SLC7A10: variants seen among roughly 807,000 people sequenced by gnomAD.
SLC7A10 encodes asc-type amino acid transporter 1.
Under a neutral mutation model 52.7 loss-of-function variants are expected in SLC7A10, and 30 were observed. The observed-to-expected ratio is 0.57, with a 90% CI of 0.43 to 0.77. SLC7A10 has a LOEUF of 0.77. Ranked by LOEUF, SLC7A10 falls within the 30% of genes least tolerant of loss-of-function variation. The pLI is 0.00. For missense variants in SLC7A10, 581 were observed against 698.5 expected (o/e 0.83, Z 1.90); for synonymous variants, 318 against 314.9 (o/e 1.01, Z -0.10).
At chr19:33,224,720 C>G (rs1974885861) in intron 1 of SLC7A10, among the ~76,000 whole-genome samples, 1 of 152,202 alleles carries the variant, frequency 6.6e-6, no homozygotes, top group Non-Finnish European at 1.5e-5. Flanking sequence ...AGTCAGTATC[C>G]ATGACTTGGG....
chr19:33,215,033 A>T (rs914594397), intron 2 of SLC7A10, among the ~76,000 whole-genome samples: 3 of 152,164 alleles, frequency 2.0e-5, no homozygotes, highest in Admixed American at 2.0e-4. Flanking sequence ...TGGGAGGCTG[A>T]GGCGGGTGGA....
At chr19:33,222,821 C>T (rs1974841004) in intron 1 of SLC7A10, among the ~76,000 whole-genome samples, 1 of 152,188 alleles carries the variant, frequency 6.6e-6, no homozygotes, top group African/African-American at 2.4e-5. Flanking sequence ...CCTAAACACA[C>T]TATACATGAG....
chr19:33,224,676 G>A (rs540772137), intron 1 of SLC7A10, among the ~76,000 whole-genome samples: 1 of 152,302 alleles, frequency 6.6e-6, no homozygotes, highest in South Asian at 2.1e-4. Flanking sequence ...CTCCCTGGAG[G>A]GGCTCAGAGG....
Position 33,222,987 on chromosome 19 carries a change from A to G in SLC7A10, c.151+2566T>C, listed in dbSNP as rs575558708. ...AAGTTTTGGAAATAACATGTTCAAT[A>G]ACAATAACAAACCAAGGTAGATTAT... is the stretch of plus-strand genomic sequence containing the variant. On this transcript the variant is annotated intron_variant, in intron 1 of 10. Transcript: ENST00000253188. 5.0e-4 allele frequency among the ~76,000 whole-genome samples: 76 copies of G among 152,304 alleles called. 1 individual carries two copies. The highest frequency in any genetic ancestry group is 9.0e-4 in the Non-Finnish European group (61 of 68,032).
Position 33,210,750 on chromosome 19 carries a change from T to C in SLC7A10, c.1113+52A>G. Reference sequence around the variant, plus strand: ...TGCCATTACCCGGAAGGTCCTGCATTGCCGGGTAGCCCTGCCTCCACGCCC... The same window carrying C: ...TGCCATTACCCGGAAGGTCCTGCATCGCCGGGTAGCCCTGCCTCCACGCCC... On this transcript the variant is annotated intron_variant, in intron 8 of 10. Coordinates refer to ENST00000253188, the MANE Select transcript of SLC7A10 (RefSeq NM_019849.3). This position sits in a 1 kb window ranked among gnomAD's most constrained non-coding sequence, Gnocchi z 5.6. 6.2e-7 allele frequency: 1 copy of C among 1,610,544 alleles called. No homozygotes were observed.
At chr19:33,219,804 C>G (rs1363630648) in intron 1 of SLC7A10, 1 of 152,400 alleles carries the variant, frequency 6.6e-6, no homozygotes, top group Non-Finnish European at 1.5e-5. Flanking sequence ...ACCAGCCACC[C>G]TGGCCCCTGC....
intron 1 of SLC7A10, chr19:33,221,230 ATCC>A (rs1323641645): frequency 1.3e-5 from 2 of 152,100 alleles, no homozygotes; most frequent in Non-Finnish European, 2.9e-5. Flanking sequence ...GGCTCTCTCC[ATCC>A]TCCTTCCTGG....
intron 5 of SLC7A10, 95 bp from the exon 6 acceptor site, chr19:33,211,632 T>C: frequency 6.2e-7 from 1 of 1,601,324 alleles, no homozygotes; most frequent in Non-Finnish European, 8.5e-7. Context: ...CTCCATCTCT[T>C]GTGTCTGCTG....
Position 33,212,572 on chromosome 19 carries a change from G to A in SLC7A10, c.576C>T (p.Gly192=), listed in dbSNP as rs143036658. 1.7e-5 allele frequency: 28 copies of A among 1,613,886 alleles called. No homozygotes were observed. The highest frequency in any genetic ancestry group is 6.7e-5 in the East Asian group (3 of 44,886). Residue 192 remains glycine (G), a synonymous_variant, in exon 4 of 11, where the codon GGC becomes GGT. Transcript: ENST00000253188. ...WATRIQDMFT[G]GKLLALSLII... is the part of the protein sequence containing the mutation. ...TGAGGGACAAGGCCAGCAGCTTCCC[G>A]CCTGTGAACATGTCCTGGATGCGCG...
Position 33,210,973 on chromosome 19 carries a change from GT to G in SLC7A10, c.1017-76del, listed in dbSNP as rs1272769162. On this transcript the variant is annotated intron_variant, in intron 7 of 10. Transcript: ENST00000253188. The surrounding 1 kb of genome is among the most constrained non-coding windows in gnomAD (Gnocchi z 5.6). ...TTGGACCTGATGTCCCTCTTAAGCT[GT>G]CGCCTCTGACCTCCTGCTCCGGGCC... 1.4e-6 allele frequency: 2 copies of G among 1,431,068 alleles called. No individual in the cohort carries two copies. The highest frequency in any genetic ancestry group is 2.8e-5 in the African/African-American group (2 of 71,044). 88.6% of individuals were successfully genotyped at this position (1,431,068 alleles called of 1,614,324 possible).
In SLC7A10 at chr19:33,212,984, G is replaced by A. The variant is rs376426174; in HGVS notation, c.375C>T (p.Ser125=). Residue 125 remains serine (S), a synonymous_variant, in exon 3 of 11, where the codon AGC becomes AGT. Transcript: ENST00000253188. ...TGGTGGGGTACATGATGAGGACGGC[G>A]CTCCAGAGCAGCAGAAAGCTGGAAG... ...GGLAGFLLLW[S]AVLIMYPTSL... is the part of the protein sequence containing the mutation. 1.9e-5 allele frequency: 30 copies of A among 1,610,896 alleles called. No individual in the cohort carries two copies. The highest frequency in any genetic ancestry group is 6.6e-5 in the South Asian group (6 of 90,744).
In SLC7A10 at chr19:33,213,500, G is replaced by A. The variant is rs539567648; in HGVS notation, c.357-498C>T. The stretch of plus-strand genomic sequence containing the variant: ...AGACGGAGTTTCACCGTGTTAGCCA[G>A]GATGGTCTTGATCTCCTGACCTCGT... On this transcript the variant is annotated intron_variant, in intron 2 of 10. Transcript: ENST00000253188. Among the ~76,000 whole-genome samples the A allele has an allele frequency of 5.3e-5, 8 of 152,256 alleles. No individual in the cohort carries two copies. The South Asian group carries it at 1.4e-3, about 28-fold the overall frequency.
chr19:33,224,108 C>T (rs992027620), intron 1 of SLC7A10, among the ~76,000 whole-genome samples: 18 of 152,160 alleles, frequency 1.2e-4, no homozygotes, highest in Non-Finnish European at 2.4e-4. Context: ...AGCTGAGGAG[C>T]CCAGGCAGAG....
rs1974526096 is a variant in SLC7A10, at chr19:33,210,693, C to T, written c.1114-77G>A. The T allele has an allele frequency of 1.1e-5, 17 of 1,606,150 alleles. No homozygotes were observed. Among genetic ancestry groups the T allele is most frequent in the Non-Finnish European group, 1.4e-5 (16 of 1,176,862 alleles). Reference sequence around the variant, plus strand: ...CCCTGCAGGATGAGCCCTGGCCCCACCCCCAACCCCCACCCTGGAATGGCT... The same window carrying T: ...CCCTGCAGGATGAGCCCTGGCCCCATCCCCAACCCCCACCCTGGAATGGCT... On this transcript the variant is annotated intron_variant, in intron 8 of 10. Coordinates refer to ENST00000253188, the MANE Select transcript of SLC7A10 (RefSeq NM_019849.3). The surrounding 1 kb of genome is among the most constrained non-coding windows in gnomAD (Gnocchi z 5.6).
At position 33,212,966 on chromosome 19, in the gene SLC7A10, G is replaced by A; in HGVS notation, c.393C>T (p.Tyr131=). 1 of 1,613,816 alleles carries A rather than the reference G, an allele frequency of 6.2e-7. No individual in the cohort carries two copies. Among genetic ancestry groups the A allele is most frequent in the Non-Finnish European group, 8.5e-7 (1 of 1,179,886 alleles). ...TGGAGATGACAGCAAGGCTGGTGGGGTACATGATGAGGACGGCGCTCCAGA... is the reference window on the plus strand; with the variant it reads ...TGGAGATGACAGCAAGGCTGGTGGGATACATGATGAGGACGGCGCTCCAGA... ...LLLWSAVLIM[Y]PTSLAVISMT... is the part of the protein sequence containing the mutation. Residue 131 remains tyrosine (Y), a synonymous_variant, in exon 3 of 11, where the codon TAC becomes TAT. Coordinates refer to ENST00000253188, the MANE Select transcript of SLC7A10 (RefSeq NM_019849.3).
chr19:33,222,847 T>C (rs979644248), intron 1 of SLC7A10, among the ~76,000 whole-genome samples: 1 of 152,136 alleles, frequency 6.6e-6, no homozygotes. Context: ...CGCCAGCCCA[T>C]AGCCCACCCT....
rs1568386755 is a variant in SLC7A10 at position 33,209,360 on chromosome 19, GAAAA to G, written c.1385_1388del (p.Ile462ThrfsTer21). The stretch of plus-strand genomic sequence containing the variant: ...TGCTTCTCCAGAACACTCCCAGAAA[GAAAA>G]TGGGCACCCCCGTAAGGATGATGAT... On this transcript the variant is annotated frameshift_variant, in exon 10 of 11. Transcript: ENST00000253188. LOFTEE classifies it high-confidence loss of function. 6.2e-7 allele frequency: 1 copy of G among 1,614,062 alleles called. No homozygotes were observed.
Position 33,210,991 on chromosome 19 carries a change from C to A in SLC7A10, c.1017-93G>T, listed in dbSNP as rs1287305021. ...TTAAGCTGTCGCCTCTGACCTCCTG[C>A]TCCGGGCCCAGCAGCCCCACTGGAC... On this transcript the variant is annotated intron_variant, in intron 7 of 10. Transcript: ENST00000253188. This position sits in a 1 kb window ranked among gnomAD's most constrained non-coding sequence, Gnocchi z 5.6. 2 of 1,271,794 alleles carry A rather than the reference C, an allele frequency of 1.6e-6. No homozygotes were observed. Among genetic ancestry groups the A allele is most frequent in the Non-Finnish European group, 2.3e-6 (2 of 883,088 alleles). The allele number at this position is 1,271,794 out of a possible 1,614,324, so 78.8% of individuals were successfully genotyped here. A position where few individuals can be genotyped will look rare whatever the true frequency, so the allele number is the denominator to read the frequency against.
intron 1 of SLC7A10, among the ~76,000 whole-genome samples, chr19:33,224,304 C>T (rs531629203): frequency 5.9e-5 from 9 of 152,176 alleles, no homozygotes; most frequent in African/African-American, 1.2e-4. Context: ...TCCAGCAGAC[C>T]GTCCATCAGG....
Sources: gnomAD v4.1 joint callset for allele counts (sites outside exome capture counted in the v4.1 genomes callset) on GRCh38, gnomAD v4.1.1 for gene constraint, Gnocchi (gnomAD v3.1) non-coding constraint, MANE v1.5 for transcripts, NCBI Gene and HGNC (gene_info 2026-07-23, HGNC 2026-07-21) for gene names.